Variants in WHAMM observed in about 807,000 individuals in gnomAD.
WHAMM encodes WASP homolog associated with actin, golgi membranes and microtubules.
A neutral mutation model predicts 76.5 loss-of-function variants in WHAMM; 67 were observed. That is an observed-to-expected ratio of 0.88 (90% CI 0.72 to 1.07). The LOEUF is 1.07. Ranked by LOEUF, WHAMM falls within the 50% of genes least tolerant of loss-of-function variation. The pLI is 0.00. For synonymous variants in WHAMM, 419 were observed against 422.1 expected, an observed-to-expected ratio of 0.99 and a Z score of 0.09; for missense variants, 1,021 against 1,051.1, an observed-to-expected ratio of 0.97 and a Z score of 0.40.
At chr15:82,815,647 T>G (rs1186051452) in intron 2 of WHAMM, among the ~76,000 whole-genome samples, 1 of 152,190 alleles carries the variant, frequency 6.6e-6, no homozygotes, top group Non-Finnish European at 1.5e-5. Flanking sequence ...CCAGACAGTT[T>G]TCCAAAGTGG....
rs753376796 is a variant in WHAMM at position 82,830,935 on chromosome 15, C to T, written c.1978C>T (p.Arg660Cys). Reference sequence around the variant, plus strand: ...ACCGCCGCCCCCACCCCCTCCTCTCCGTGCTCTGTCCTCATCCTCTCAAGC... The same window carrying T: ...ACCGCCGCCCCCACCCCCTCCTCTCTGTGCTCTGTCCTCATCCTCTCAAGC... ...PPPPPPPPPL[R>C]ALSSSSQAAT... The change falls in exon 9 of 10, where the codon CGT (arginine) becomes TGT (cysteine). Residue 660 changes from arginine (R) to cysteine (C), a missense_variant. Arg to Cys is a radical substitution (Grantham distance 180). Transcript: ENST00000286760. The T allele has an allele frequency of 1.2e-5, 20 of 1,609,082 alleles. No homozygotes were observed. Among genetic ancestry groups the T allele is most frequent in the Admixed American group, 3.4e-5 (2 of 59,662 alleles).
In WHAMM at chr15:82,816,688, G is replaced by T. The variant is rs1227784606; in HGVS notation, c.784-4G>T. The T allele has an allele frequency of 6.5e-7, 1 of 1,546,158 alleles. No homozygotes were observed. Among genetic ancestry groups the T allele is most frequent in the Admixed American group, 2.1e-5 (1 of 48,518 alleles). On this transcript the variant is annotated splice_region_variant and splice_polypyrimidine_tract_variant and intron_variant, in intron 2 of 9. Coordinates refer to ENST00000286760, the MANE Select transcript of WHAMM (RefSeq NM_001080435.3). ...ACTAAGAAAATTTTCCCTTCTGTCTGTAGAAGTCTTTGGATGAGGATGACC... is the reference window on the plus strand; with the variant it reads ...ACTAAGAAAATTTTCCCTTCTGTCTTTAGAAGTCTTTGGATGAGGATGACC...
rs2051066824 is a variant in WHAMM at position 82,833,322 on chromosome 15, T to G, written c.2216T>G (p.Ile739Ser). 6.2e-7 allele frequency: 1 copy of G among 1,613,900 alleles called. No homozygotes were observed. The highest frequency in any genetic ancestry group is 8.5e-7 in the Non-Finnish European group (1 of 1,179,886). Residue 739 changes from isoleucine to serine, a missense_variant, in exon 10 of 10, where the codon ATC becomes AGC. Ile to Ser is a moderately radical substitution (Grantham distance 142). Transcript: ENST00000286760. ...VPAVRPPHAS[I>S]NEHILAAIRQ... Reference sequence around the variant, plus strand: ...GCGGTGCGCCCTCCCCACGCCTCAATCAATGAGCACATTCTGGCTGCCATA... The same window carrying G: ...GCGGTGCGCCCTCCCCACGCCTCAAGCAATGAGCACATTCTGGCTGCCATA...
rs1336513683 is a variant in WHAMM at position 82,833,254 on chromosome 15, C to G, written c.2148C>G (p.Ser716=). The change falls in exon 10 of 10, where the codon TCC becomes TCG. Residue 716 remains serine (S), a synonymous_variant. Coordinates refer to ENST00000286760, the MANE Select transcript of WHAMM (RefSeq NM_001080435.3). The part of the protein sequence containing the change: ...CPGSMDEVLA[S]LRHGRAPLRK... Reference sequence around the variant, plus strand: ...GATCTATGGATGAAGTGTTGGCCTCCTTAAGGCATGGCAGAGCTCCTCTCC... The same window carrying G: ...GATCTATGGATGAAGTGTTGGCCTCGTTAAGGCATGGCAGAGCTCCTCTCC... 1.9e-6 allele frequency: 3 copies of G among 1,613,958 alleles called. No individual in the cohort carries two copies. In the East Asian group the frequency reaches 6.7e-5, roughly 36 times the overall value.
At chr15:82,820,731 C>T (rs2050805520) in intron 5 of WHAMM, among the ~76,000 whole-genome samples, 2 of 151,848 alleles carry the variant, frequency 1.3e-5, no homozygotes, top group Admixed American at 1.3e-4. Context: ...CCTGTCTCTA[C>T]TAAAAATACA....
Position 82,810,294 on chromosome 15 carries a change from T to C in WHAMM, c.568T>C (p.Leu190=), listed in dbSNP as rs906252385. The change falls in exon 1 of 10, where the codon TTG becomes CTG. Residue 190 remains leucine (L), a synonymous_variant. Transcript: ENST00000286760. Reference sequence around the variant, plus strand: ...CCCGCGCGAGTTCCGGGAGCGGGCCTTGCGCGCGCGGTGGGTCGAGGCGGA... The same window carrying C: ...CCCGCGCGAGTTCCGGGAGCGGGCCCTGCGCGCGCGGTGGGTCGAGGCGGA... The part of the protein sequence containing the change: ...ESPREFRERA[L]RARWVEADAR... 13 of 1,346,038 alleles carry C rather than the reference T, an allele frequency of 9.7e-6. No individual in the cohort carries two copies. In the African/African-American group the frequency reaches 1.7e-4, roughly 18 times the overall value. 83.4% of individuals were successfully genotyped at this position (1,346,038 alleles called of 1,614,324 possible).
intron 8 of WHAMM, 34 bp from the exon 9 acceptor site, chr15:82,830,565 T>G (rs1179860094): frequency 1.3e-6 from 2 of 1,593,362 alleles, no homozygotes; most frequent in Non-Finnish European, 1.7e-6. Flanking sequence ...TTTGCACTTG[T>G]GGCAGATTGC....
chr15:82,834,891 G>A lies in WHAMM; in HGVS notation c.*1355G>A, dbSNP rs982173049. ...GGAGCAATAGTGTTATTTTCCTCAGGAACTGAAGTCTCATGCTGAAGTATT... is the reference window on the plus strand; with the variant it reads ...GGAGCAATAGTGTTATTTTCCTCAGAAACTGAAGTCTCATGCTGAAGTATT... On this transcript the variant is annotated 3_prime_UTR_variant, in exon 10 of 10. Transcript: ENST00000286760. 6.6e-6 allele frequency: 1 copy of A among 151,954 alleles called. No homozygotes were observed. Among genetic ancestry groups the A allele is most frequent in the African/African-American group, 2.4e-5 (1 of 41,354 alleles). 9.4% of individuals were successfully genotyped at this position (151,954 alleles called of 1,614,324 possible).
At chr15:82,826,963 A>T (rs1248492262) in intron 8 of WHAMM, 117 bp downstream of exon 8, 2 of 1,114,756 alleles carry the variant, frequency 1.8e-6, no homozygotes, top group African/African-American at 1.6e-5. Context: ...TGAAACATTT[A>T]AAAAATACCA....
intron 7 of WHAMM, 79 bp downstream of exon 7, chr15:82,826,575 C>G: frequency 5.1e-6 from 8 of 1,583,150 alleles, no homozygotes; most frequent in Non-Finnish European, 6.9e-6. Flanking sequence ...ACTGGAGTTG[C>G]GCTGCCCTGG....
At chr15:82,811,383 G>C (rs956263871) in intron 1 of WHAMM, among the ~76,000 whole-genome samples, 15 of 152,166 alleles carry the variant, frequency 9.9e-5, no homozygotes, top group African/African-American at 3.4e-4. Context: ...TTTTGTATCA[G>C]ACTTGTTTTT....
At chr15:82,823,317 T>C in intron 6 of WHAMM, 30 bp downstream of exon 6, 2 of 1,360,316 alleles carry the variant, frequency 1.5e-6, no homozygotes, top group Non-Finnish European at 1.9e-6. Flanking sequence ...CTTTCTTTTC[T>C]TTTCTCTTTC....
chr15:82,825,724 G>T (rs937163413), intron 6 of WHAMM, among the ~76,000 whole-genome samples: 6 of 151,696 alleles, frequency 4.0e-5, no homozygotes, highest in African/African-American at 1.5e-4. Flanking sequence ...GGAGGTGGAG[G>T]TTGCAGTGAG....
At position 82,817,556 on chromosome 15, in the gene WHAMM, C is replaced by T. The variant is rs146095145; in HGVS notation, c.935-364C>T. Among the ~76,000 whole-genome samples, 938 of 152,100 alleles carry T rather than the reference C, an allele frequency of 6.2e-3. 8 individuals carry two copies. Among genetic ancestry groups the T allele is most frequent in the African/African-American group, 0.021 (878 of 41,460 alleles). On this transcript the variant is annotated intron_variant, in intron 3 of 9. Coordinates refer to ENST00000286760, the MANE Select transcript of WHAMM (RefSeq NM_001080435.3). ...TTATGAGTGGCAAGAGTTTCTGATA[C>T]ATTGTGCAGAATCAACAAGATAGAA... is the stretch of plus-strand genomic sequence containing the variant.
chr15:82,828,979 A>G (rs1194046165), intron 8 of WHAMM, among the ~76,000 whole-genome samples: 1 of 152,244 alleles, frequency 6.6e-6, no homozygotes, highest in Non-Finnish European at 1.5e-5. Context: ...GTGTTTACCA[A>G]GAAGTGCCAC....
rs999166364 is a variant in WHAMM, at chr15:82,810,099, G to T, written c.373G>T (p.Gly125Trp). The T allele has an allele frequency of 1.4e-5, 18 of 1,282,108 alleles. No individual in the cohort carries two copies. Among genetic ancestry groups the T allele is most frequent in the Non-Finnish European group, 1.6e-5 (16 of 1,012,856 alleles). The allele number at this position is 1,282,108 out of a possible 1,614,324, so 79.4% of individuals were successfully genotyped here. A position where few individuals can be genotyped will look rare whatever the true frequency, so the allele number is the denominator to read the frequency against. The change falls in exon 1 of 10, where the codon GGG becomes TGG. Residue 125 changes from glycine (G) to tryptophan (W), a missense_variant. Transcript: ENST00000286760. Reference sequence around the variant, plus strand: ...CGGCGGGGCCTGGGGTCTGGGGCTCGGGCTGTGGGCGCTGCTGTGGCCGAC... The same window carrying T: ...CGGCGGGGCCTGGGGTCTGGGGCTCTGGCTGTGGGCGCTGCTGTGGCCGAC... ...GGGGAWGLGL[G>W]LWALLWPTRA...
At chr15:82,824,706 T>C (rs2050900084) in intron 6 of WHAMM, among the ~76,000 whole-genome samples, 1 of 151,996 alleles carries the variant, frequency 6.6e-6, no homozygotes, top group Non-Finnish European at 1.5e-5. Context: ...CCTCAAGCAA[T>C]CCACCTGCCT....
intron 1 of WHAMM, among the ~76,000 whole-genome samples, chr15:82,812,668 A>G (rs970164089): frequency 8.6e-5 from 13 of 151,770 alleles, no homozygotes; most frequent in African/African-American, 3.1e-4. Context: ...TAAACTTTGC[A>G]CTCTGCCTCT....
rs1428914123 is a variant in WHAMM at position 82,810,327 on chromosome 15, C to T, written c.601C>T (p.Leu201=). Residue 201 remains leucine (L), a synonymous_variant, in exon 1 of 10, where the codon CTG becomes TTG. Coordinates refer to ENST00000286760, the MANE Select transcript of WHAMM (RefSeq NM_001080435.3). ...RARWVEADAR[L]RQVIQGHGKA... is the part of the protein sequence containing the mutation. ...GCGGTGGGTCGAGGCGGACGCGCGGCTGCGCCAGGTAAGCGAGGCCCGGTC... is the reference window on the plus strand; with the variant it reads ...GCGGTGGGTCGAGGCGGACGCGCGGTTGCGCCAGGTAAGCGAGGCCCGGTC... 7.6e-7 allele frequency: 1 copy of T among 1,312,482 alleles called. No individual in the cohort carries two copies. The highest frequency in any genetic ancestry group is 1.5e-5 in the African/African-American group (1 of 64,640). The allele number at this position is 1,312,482 out of a possible 1,614,324, so 81.3% of individuals were successfully genotyped here. A position where few individuals can be genotyped will look rare whatever the true frequency, so the allele number is the denominator to read the frequency against.
Sources: gnomAD v4.1 joint callset for allele counts (sites outside exome capture counted in the v4.1 genomes callset) on GRCh38, gnomAD v4.1.1 for gene constraint, MANE v1.5 for transcripts, NCBI Gene and HGNC (gene_info 2026-07-23, HGNC 2026-07-21) for gene names.